Variants in CPA6 observed in about 807,000 individuals in gnomAD.
CPA6 encodes carboxypeptidase B.
CPA6 carries 58 observed loss-of-function variants against 63.3 expected under a neutral mutation model. That is an observed-to-expected ratio of 0.92 (90% CI 0.74 to 1.14). CPA6 has a LOEUF of 1.14. Among genes scored for constraint, CPA6 ranks in the 50% most tolerant of loss-of-function variants. CPA6 has a pLI of 0.00. For missense variants in CPA6, 565 were observed against 526.6 expected (o/e 1.07, Z -0.71); for synonymous variants, 185 against 179.0 (o/e 1.03, Z -0.27).
intron 1 of CPA6, among the ~76,000 whole-genome samples, chr8:67,716,179 GA>G (rs1817377555): frequency 7.1e-6 from 1 of 140,526 alleles, no homozygotes; most frequent in African/African-American, 2.8e-5. Flanking sequence ...AAAAAAAAAG[GA>G]GAGAGAGAAG....
At chr8:67,653,717 A>C (rs1815907432) in intron 1 of CPA6, among the ~76,000 whole-genome samples, 1 of 151,974 alleles carries the variant, frequency 6.6e-6, no homozygotes, top group Non-Finnish European at 1.5e-5. Flanking sequence ...CTCTTTTCCT[A>C]ATTGAATACC....
intron 1 of CPA6, among the ~76,000 whole-genome samples, chr8:67,721,567 A>G (rs1817500017): frequency 6.6e-6 from 1 of 152,204 alleles, no homozygotes; most frequent in Non-Finnish European, 1.5e-5. Context: ...ACCACAATAT[A>G]ACTAGTATCA....
chr8:67,596,016 G>A (rs1209714285), intron 2 of CPA6, among the ~76,000 whole-genome samples: 3 of 152,104 alleles, frequency 2.0e-5, no homozygotes, highest in South Asian at 2.1e-4. Flanking sequence ...GTTCCTATTC[G>A]GCCATCTTGG....
rs544132225 is a variant in CPA6 at position 67,606,170 on chromosome 8, T to C, written c.192+18006A>G. On this transcript the variant is annotated intron_variant, in intron 2 of 10. Transcript: ENST00000297770. ...ACACAGGAAGGGGAACATCACACTCTGGGGACTGTTTTGGGGTGGGGGAGG... is the reference window on the plus strand; with the variant it reads ...ACACAGGAAGGGGAACATCACACTCCGGGGACTGTTTTGGGGTGGGGGAGG... Among the ~76,000 whole-genome samples, 192 of 90,968 alleles carry C rather than the reference T, an allele frequency of 2.1e-3. 1 individual carries two copies. The highest frequency in any genetic ancestry group is 8.0e-3 in the African/African-American group (183 of 22,790). 59.7% of individuals were successfully genotyped at this position (90,968 alleles called of 152,430 possible).
intron 1 of CPA6, among the ~76,000 whole-genome samples, chr8:67,668,073 T>C (rs957354176): frequency 1.3e-5 from 2 of 152,218 alleles, no homozygotes; most frequent in Admixed American, 1.3e-4. Flanking sequence ...ACTAAAAGTG[T>C]CCTGTTTGAA....
chr8:67,495,125 C>T (rs1811682351), intron 6 of CPA6, among the ~76,000 whole-genome samples: 1 of 152,008 alleles, frequency 6.6e-6, no homozygotes, highest in South Asian at 2.1e-4. Flanking sequence ...AATCATTTCA[C>T]CAGCTTAGTG....
intron 2 of CPA6, among the ~76,000 whole-genome samples, chr8:67,525,507 C>T (rs1812342336): frequency 1.3e-5 from 2 of 152,152 alleles, no homozygotes; most frequent in South Asian, 4.1e-4. Flanking sequence ...ATTATTACTA[C>T]AGCATTAGTA....
intron 2 of CPA6, among the ~76,000 whole-genome samples, chr8:67,550,491 C>T (rs1336582097): frequency 2.0e-5 from 3 of 152,150 alleles, no homozygotes; most frequent in African/African-American, 7.2e-5. Flanking sequence ...GTGAATAGTG[C>T]TACAATGAAT....
At chr8:67,579,147 ACGC>A (rs1404413872) in intron 2 of CPA6, among the ~76,000 whole-genome samples, 135 of 152,388 alleles carry the variant, frequency 8.9e-4, no homozygotes, top group African/African-American at 3.0e-3. Context: ...GTGGTGGCTC[ACGC>A]CTGTAATCCC....
intron 1 of CPA6, among the ~76,000 whole-genome samples, chr8:67,702,186 C>T (rs1817039906): frequency 6.6e-6 from 1 of 151,774 alleles, no homozygotes; most frequent in African/African-American, 2.4e-5. Flanking sequence ...ACATAGAAAA[C>T]ACTGCATGCA....
chr8:67,714,856 C>A (rs1379389809), intron 1 of CPA6, among the ~76,000 whole-genome samples: 1 of 152,026 alleles, frequency 6.6e-6, no homozygotes, highest in Non-Finnish European at 1.5e-5. Flanking sequence ...TGTTGGGATC[C>A]CTTTCTACTC....
At chr8:67,474,501 G>T (rs1249134782) in intron 8 of CPA6, among the ~76,000 whole-genome samples, 2 of 152,074 alleles carry the variant, frequency 1.3e-5, no homozygotes, top group South Asian at 2.1e-4. Flanking sequence ...GATTACAGAC[G>T]TGAGCCACAG....
At chr8:67,502,425 T>C (rs370218480) in intron 6 of CPA6, among the ~76,000 whole-genome samples, 3 of 152,228 alleles carry the variant, frequency 2.0e-5, no homozygotes, top group East Asian at 3.8e-4. Flanking sequence ...ATCATGCTAC[T>C]GCACTCCAGT....
At chr8:67,657,527 A>G (rs1816014274) in intron 1 of CPA6, among the ~76,000 whole-genome samples, 1 of 152,184 alleles carries the variant, frequency 6.6e-6, no homozygotes, top group South Asian at 2.1e-4. Flanking sequence ...TGTTCAACCC[A>G]TCTTCCTTGC....
intron 2 of CPA6, among the ~76,000 whole-genome samples, chr8:67,551,878 G>T (rs1160399658): frequency 6.6e-6 from 1 of 152,088 alleles, no homozygotes; most frequent in Admixed American, 6.6e-5. Flanking sequence ...ATGAGGAGTT[G>T]CCTTGGTGTA....
chr8:67,517,985 A>G lies in CPA6; in HGVS notation c.255T>C (p.His85=), dbSNP rs539581100. The G allele has an allele frequency of 2.5e-5, 40 of 1,613,264 alleles. No individual in the cohort carries two copies. The South Asian group carries it at 3.8e-4, about 16-fold the overall frequency. ...GGGCTCGGGAACCATTTTGGGGGAT[A>G]TGGACATCAGTAACTGTTCCCTCTG... is the stretch of plus-strand genomic sequence containing the variant. The part of the protein sequence containing the change: ...YVSEGTVTDV[H]IPQNGSRALL... Residue 85 remains histidine, a synonymous_variant, in exon 3 of 11, where the codon CAT becomes CAC. Coordinates refer to ENST00000297770, the MANE Select transcript of CPA6 (RefSeq NM_020361.5).
At chr8:67,533,513 A>G (rs1344130568) in intron 2 of CPA6, among the ~76,000 whole-genome samples, 1 of 152,224 alleles carries the variant, frequency 6.6e-6, no homozygotes, top group East Asian at 1.9e-4. Context: ...CGGGCACTAT[A>G]GTTCGGATAT....
chr8:67,734,501 C>CT (rs199995453), intron 1 of CPA6, among the ~76,000 whole-genome samples: 4,356 of 146,454 alleles, frequency 0.03, 108 homozygotes, highest in African/African-American at 0.071. Flanking sequence ...ATTAAAATGA[C>CT]TTACATTTTC....
At position 67,642,906 on chromosome 8, in the gene CPA6, C is replaced by T. The variant is rs1253644328; in HGVS notation, c.117-18655G>A. ...AAGAAAACATAAATTATCTTTATGA[C>T]CCTGGGATAGGGTAGTATTTATAAA... On this transcript the variant is annotated intron_variant, in intron 1 of 10. Transcript: ENST00000297770. Among the ~76,000 whole-genome samples the T allele has an allele frequency of 2.6e-5, 4 of 151,778 alleles. No individual in the cohort carries two copies. The East Asian group carries it at 7.7e-4, about 29-fold the overall frequency.
Sources: allele counts gnomAD v4.1 joint callset (sites outside exome capture counted in the v4.1 genomes callset), GRCh38; gene constraint gnomAD v4.1.1; transcripts MANE v1.5; gene names NCBI Gene and HGNC (gene_info 2026-07-23, HGNC 2026-07-21).